VGLL4: variants seen among roughly 807,000 people sequenced by gnomAD.
VGLL4 encodes the protein vestigial like family member 4, also known as transcription cofactor vestigial-like protein 4.
A neutral mutation model predicts 21.0 loss-of-function variants in VGLL4; 7 were observed. The ratio of observed to expected loss-of-function variants is 0.33; its 90% CI spans 0.19 to 0.63. The LOEUF (loss-of-function observed/expected upper bound fraction) is 0.63. VGLL4 is among the 20% of genes least tolerant of loss of function. VGLL4 has a pLI of 0.78. For synonymous variants in VGLL4, 222 were observed against 173.2 expected, an observed-to-expected ratio of 1.28 and a Z score of -2.21; for missense variants, 394 against 425.7, an observed-to-expected ratio of 0.93 and a Z score of 0.66.
chr3:11,654,581 G>A (rs2125346247), intron 2 of VGLL4, among the ~76,000 whole-genome samples: 1 of 152,258 alleles, frequency 6.6e-6, no homozygotes, highest in Middle Eastern at 3.4e-3. Context: ...AATAAAACGA[G>A]GTATGAGAAA....
chr3:11,661,348 T>C (rs1369552483), intron 2 of VGLL4, among the ~76,000 whole-genome samples: 1 of 152,066 alleles, frequency 6.6e-6, no homozygotes, highest in Admixed American at 6.6e-5. Context: ...AAAGGAATAT[T>C]GCCAAGAAAA....
chr3:11,594,673 T>C (rs966955094), intron 2 of VGLL4, among the ~76,000 whole-genome samples: 7 of 152,356 alleles, frequency 4.6e-5, no homozygotes, highest in African/African-American at 9.6e-5. Flanking sequence ...CTATTACAAA[T>C]ACACAAGATA....
chr3:11,587,787 C>T (rs1379881153), intron 2 of VGLL4, among the ~76,000 whole-genome samples: 1 of 152,150 alleles, frequency 6.6e-6, no homozygotes, highest in Non-Finnish European at 1.5e-5. Flanking sequence ...TGGACTGGAG[C>T]CAGATGCATA....
chr3:11,573,316 G>GAAGAAAGA (rs1286422799), intron 2 of VGLL4, among the ~76,000 whole-genome samples: 10 of 20,740 alleles, frequency 4.8e-4, no homozygotes, highest in Admixed American at 1.2e-3. Context: ...AGGAAGGAAG[G>GAAGAAAGA]AAGAAAGAAA....
At chr3:11,567,613 G>C (rs572819244) in intron 2 of VGLL4, among the ~76,000 whole-genome samples, 1 of 152,300 alleles carries the variant, frequency 6.6e-6, no homozygotes, top group South Asian at 2.1e-4. Flanking sequence ...TGGCGATTCA[G>C]AAGACAGCAC....
At chr3:11,681,183 C>T (rs1305553389) in intron 2 of VGLL4, among the ~76,000 whole-genome samples, 2 of 152,164 alleles carry the variant, frequency 1.3e-5, no homozygotes, top group African/African-American at 4.8e-5. Context: ...CTGCAAGCTC[C>T]GCCTCCTGGG....
At chr3:11,588,815 G>C (rs1006252764) in intron 2 of VGLL4, among the ~76,000 whole-genome samples, 1 of 152,270 alleles carries the variant, frequency 6.6e-6, no homozygotes, top group Admixed American at 6.5e-5. Context: ...CAGTGAGGCG[G>C]TGCTGAATTT....
intron 2 of VGLL4, among the ~76,000 whole-genome samples, chr3:11,676,857 T>C (rs2076298610): frequency 6.6e-6 from 1 of 152,188 alleles, no homozygotes; most frequent in Non-Finnish European, 1.5e-5. Context: ...ACTCCACATA[T>C]TATGCTGCCA....
intron 2 of VGLL4, among the ~76,000 whole-genome samples, chr3:11,600,402 G>C (rs1333910661): frequency 6.6e-6 from 1 of 151,754 alleles, no homozygotes; most frequent in Non-Finnish European, 1.5e-5. Context: ...GTTCTTATTT[G>C]GGTTTGGGAA....
intron 2 of VGLL4, among the ~76,000 whole-genome samples, chr3:11,701,986 C>G (rs1420949671): frequency 1.3e-5 from 2 of 152,230 alleles, no homozygotes; most frequent in African/African-American, 4.8e-5. Context: ...AATAATCTTC[C>G]AATATTGTTC....
rs192973581 is a variant in VGLL4 at position 11,673,410 on chromosome 3, C to T, written c.64+29561G>A. Reference sequence around the variant, plus strand: ...GAGAAAAATCTTCCAAAAAGCAGAACGAGTCCGGAAGGGAGAAAGGGGGAA... The same window carrying T: ...GAGAAAAATCTTCCAAAAAGCAGAATGAGTCCGGAAGGGAGAAAGGGGGAA... On this transcript the variant is annotated intron_variant, in intron 2 of 5. Coordinates refer to the VGLL4 transcript ENST00000273038. Among the ~76,000 whole-genome samples the T allele has an allele frequency of 9.6e-4, 145 of 150,494 alleles. 2 individuals carry two copies. The highest frequency in any genetic ancestry group is 3.4e-3 in the African/African-American group (139 of 40,888).
Position 11,604,506 on chromosome 3 carries a change from C to T in VGLL4, c.83-2484G>A, listed in dbSNP as rs1034451812. ...GCCTTTATGCATCTTTGGGGCCCCTCCCTAGATGGCCTTAACCCAACACTT... is the reference window on the plus strand; with the variant it reads ...GCCTTTATGCATCTTTGGGGCCCCTTCCTAGATGGCCTTAACCCAACACTT... On this transcript the variant is annotated intron_variant, in intron 1 of 4. Transcript: ENST00000430365. 5.5e-5 allele frequency: 52 copies of T among 950,184 alleles called. 8 individuals are homozygous for T. The highest frequency in any genetic ancestry group is 6.8e-5 in the Admixed American group (1 of 14,806). 58.9% of individuals were successfully genotyped at this position (950,184 alleles called of 1,614,324 possible). A position where few individuals can be genotyped will look rare whatever the true frequency, so the allele number is the denominator to read the frequency against.
intron 1 of VGLL4, among the ~76,000 whole-genome samples, chr3:11,605,410 G>A (rs1346012594): frequency 6.6e-6 from 1 of 150,732 alleles, no homozygotes; most frequent in Non-Finnish European, 1.5e-5. Context: ...TTCTGCATTC[G>A]AAACCCCAAC....
intron 1 of VGLL4, among the ~76,000 whole-genome samples, chr3:11,717,054 A>G (rs868006964): frequency 4.3e-4 from 65 of 152,248 alleles, no homozygotes; most frequent in African/African-American, 1.5e-3. Flanking sequence ...ACACATTGGT[A>G]TGTTAAAATC....
At chr3:11,705,590 C>A (rs1264448634) in intron 1 of VGLL4, among the ~76,000 whole-genome samples, 1 of 152,202 alleles carries the variant, frequency 6.6e-6, no homozygotes, top group Non-Finnish European at 1.5e-5. Flanking sequence ...ATGGAGAAAA[C>A]CAACAAGAAC....
chr3:11,677,909 CAAAAAAA>C (rs35366594), intron 2 of VGLL4, among the ~76,000 whole-genome samples: 7 of 120,872 alleles, frequency 5.8e-5, no homozygotes, highest in South Asian at 2.8e-4. Flanking sequence ...CTTCGTCTTT[CAAAAAAA>C]AAAAAAAAAG....
At chr3:11,603,722 G>C (rs1295122733) in intron 1 of VGLL4, among the ~76,000 whole-genome samples, 8 of 152,160 alleles carry the variant, frequency 5.3e-5, no homozygotes, top group Admixed American at 5.2e-4. Context: ...CTGGCAGGAT[G>C]CGAGGGGATG....
chr3:11,673,594 CAATAT>C (rs541986956), intron 2 of VGLL4, among the ~76,000 whole-genome samples: 24 of 152,160 alleles, frequency 1.6e-4, no homozygotes, highest in African/African-American at 5.8e-4. Flanking sequence ...ACTGAGTGCC[CAATAT>C]AATAGTTGCT....
intron 2 of VGLL4, among the ~76,000 whole-genome samples, chr3:11,567,785 C>A (rs534780497): frequency 3.2e-4 from 49 of 152,364 alleles, no homozygotes; most frequent in African/African-American, 1.1e-3. Context: ...TGTCACCACA[C>A]ATCCTCATCT....
Sources: allele counts gnomAD v4.1 joint callset (sites outside exome capture counted in the v4.1 genomes callset), GRCh38; gene constraint gnomAD v4.1.1; transcripts MANE v1.5; gene names NCBI Gene and HGNC (gene_info 2026-07-23, HGNC 2026-07-21).